KAZN: variants seen among roughly 807,000 people sequenced by gnomAD.
The protein encoded by KAZN is kazrin.
Under a neutral mutation model 87.4 loss-of-function variants are expected in KAZN, and 40 were observed. The observed-to-expected ratio is 0.46, with a 90% CI of 0.36 to 0.60. KAZN has a LOEUF of 0.60. KAZN is among the 20% of genes least tolerant of loss of function. The probability of loss-of-function intolerance (pLI) is 0.00; values close to 1 mark genes in which losing one functional copy is unlikely to be tolerated. For missense variants in KAZN, 898 were observed against 1,073.9 expected (o/e 0.84, Z 2.29); for synonymous variants, 466 against 458.3 (o/e 1.02, Z -0.22).
rs1368877447 is a variant in KAZN at position 14,735,462 on chromosome 1, C to G, written c.226+136239C>G. 6.6e-6 allele frequency among the ~76,000 whole-genome samples: 1 copy of G among 152,202 alleles called. No individual in the cohort carries two copies. The highest frequency in any genetic ancestry group is 1.5e-5 in the Non-Finnish European group (1 of 68,028). ...CAGCCCTGCCCTGGTTTCCAGCCAC[C>G]TTGGGTGTTTAGGCTGGACCCCGAA... On this transcript the variant is annotated intron_variant, in intron 1 of 14. Transcript: ENST00000376030. This position sits in a 1 kb window ranked among gnomAD's most constrained non-coding sequence, Gnocchi z 4.3.
At chr1:13,966,957 A>G (rs909479083) in intron 1 of KAZN, among the ~76,000 whole-genome samples, 9 of 152,280 alleles carry the variant, frequency 5.9e-5, no homozygotes, top group Admixed American at 1.3e-4. Flanking sequence ...TCTACAATGT[A>G]TGTCTTAAAT....
At position 14,795,266 on chromosome 1, in the gene KAZN, G is replaced by C. The variant is rs572358949; in HGVS notation, c.227-165418G>C. On this transcript the variant is annotated intron_variant, in intron 1 of 14. Transcript: ENST00000376030. The stretch of plus-strand genomic sequence containing the variant: ...TTTAGGACCCTGACTAATACAATGG[G>C]TGAAATGAGAAGCAGTCCGTGAAAG... 1.2e-4 allele frequency among the ~76,000 whole-genome samples: 19 copies of C among 152,214 alleles called. No individual in the cohort carries two copies. In the East Asian group the frequency reaches 3.7e-3, roughly 29 times the overall value.
At chr1:14,651,673 C>T (rs1487436086) in intron 1 of KAZN, among the ~76,000 whole-genome samples, 2 of 152,080 alleles carry the variant, frequency 1.3e-5, no homozygotes, top group African/African-American at 4.8e-5. Flanking sequence ...ATTTATTTTC[C>T]AAAATTTTGA....
At chr1:14,743,247 C>A (rs1229236064) in intron 1 of KAZN, among the ~76,000 whole-genome samples, 2 of 151,874 alleles carry the variant, frequency 1.3e-5, no homozygotes, top group East Asian at 3.9e-4. Flanking sequence ...GCCTGGCCAA[C>A]ATGGTGAAAC....
chr1:15,008,165 C>T (rs1669224174), intron 2 of KAZN, among the ~76,000 whole-genome samples: 1 of 152,226 alleles, frequency 6.6e-6, no homozygotes, highest in South Asian at 2.1e-4. Context: ...AGCTTATCTC[C>T]ATGAGCCCAG....
intron 7 of KAZN, among the ~76,000 whole-genome samples, chr1:15,064,723 C>A (rs1332227691): frequency 6.6e-6 from 1 of 152,224 alleles, no homozygotes; most frequent in East Asian, 1.9e-4. Flanking sequence ...CTGACGCAGG[C>A]TCCAGACTCC....
intron 1 of KAZN, among the ~76,000 whole-genome samples, chr1:14,684,302 C>G (rs547506078): frequency 6.6e-6 from 1 of 152,284 alleles, no homozygotes; most frequent in Non-Finnish European, 1.5e-5. Context: ...TAGGGTTGCA[C>G]AGACCAAGTT....
At chr1:14,219,275 T>C (rs1647038739) in intron 2 of KAZN, among the ~76,000 whole-genome samples, 1 of 151,892 alleles carries the variant, frequency 6.6e-6, no homozygotes, top group African/African-American at 2.4e-5. Flanking sequence ...CTTTTGAGGG[T>C]GTAGGGAAGG....
intron 1 of KAZN, among the ~76,000 whole-genome samples, chr1:14,872,269 C>G (rs959795165): frequency 6.6e-6 from 1 of 152,156 alleles, no homozygotes; most frequent in Non-Finnish European, 1.5e-5. Context: ...GGTTATGGAG[C>G]AGTGCTGTCT....
chr1:13,924,073 C>T (rs1403632579), intron 1 of KAZN, among the ~76,000 whole-genome samples: 10 of 152,078 alleles, frequency 6.6e-5, no homozygotes, highest in African/African-American at 9.7e-5. Flanking sequence ...TGATAATGTT[C>T]TCTCTGTACT....
chr1:14,001,161 C>T (rs566942010), intron 1 of KAZN, among the ~76,000 whole-genome samples: 3 of 152,294 alleles, frequency 2.0e-5, no homozygotes, highest in East Asian at 3.9e-4. Flanking sequence ...AGCAAAGTCT[C>T]AGCATACAAA....
intron 1 of KAZN, among the ~76,000 whole-genome samples, chr1:14,919,138 C>T (rs1251090987): frequency 6.6e-6 from 1 of 152,164 alleles, no homozygotes; most frequent in African/African-American, 2.4e-5. Flanking sequence ...GCCAGCCCTT[C>T]GAACCTCCAG....
chr1:14,784,742 G>C (rs181857657), intron 1 of KAZN, among the ~76,000 whole-genome samples: 61 of 152,258 alleles, frequency 4.0e-4, no homozygotes, highest in African/African-American at 1.4e-3. Context: ...CTGGGCAACA[G>C]AGCAAGACTT....
intron 1 of KAZN, among the ~76,000 whole-genome samples, chr1:14,782,554 C>CAAAAAGA (rs1645385661): frequency 3.0e-5 from 2 of 66,250 alleles, no homozygotes; most frequent in Non-Finnish European, 2.7e-5. Context: ...CCTCAAAGAG[C>CAAAAAGA]AAAAAAAAAA....
rs12081051 is a variant in KAZN at position 14,626,911 on chromosome 1, C to A, written c.226+27688C>A. The stretch of plus-strand genomic sequence containing the variant: ...ATCCTTAAGTGCCACTTCTGGGAAG[C>A]CTTCCAGACTCTGCCAGGGACTGTG... On this transcript the variant is annotated intron_variant, in intron 1 of 14. Transcript: ENST00000376030. 5.2e-3 allele frequency among the ~76,000 whole-genome samples: 791 copies of A among 152,272 alleles called. 6 individuals carry two copies. Among genetic ancestry groups the A allele is most frequent in the African/African-American group, 0.018 (750 of 41,554 alleles).
chr1:14,141,213 A>G (rs190494007), intron 1 of KAZN, among the ~76,000 whole-genome samples: 17 of 148,344 alleles, frequency 1.1e-4, no homozygotes, highest in African/African-American at 4.3e-4. Flanking sequence ...CTTCTCCATG[A>G]CACTGTTGAA....
At chr1:13,998,381 C>T (rs183868215) in intron 1 of KAZN, among the ~76,000 whole-genome samples, 1 of 152,260 alleles carries the variant, frequency 6.6e-6, no homozygotes, top group East Asian at 1.9e-4. Context: ...ACAATACTAA[C>T]CTTTAATGTA....
chr1:14,563,874 C>CTTTTTTTTTTTTTTTTTTTTTTTTTTTTT lies in KAZN; in HGVS notation c.250-35095_250-35094insTTTTTTTTTTTTTTTTTTTTTTTTTTTTT, dbSNP rs540880203. ...TGCACTCAGAGTATGGTTCAAACTC[C>CTTTTTTTTTTTTTTTTTTTTTTTTTTTTT]TTTTTTTTTTTTTTGTCTGAGACAG... On this transcript the variant is annotated intron_variant, in intron 2 of 16. Coordinates refer to the KAZN transcript ENST00000636203. 1.0e-4 allele frequency among the ~76,000 whole-genome samples: 10 copies of CTTTTTTTTTTTTTTTTTTTTTTTTTTTTT among 97,932 alleles called. 2 individuals are homozygous for CTTTTTTTTTTTTTTTTTTTTTTTTTTTTT. Among genetic ancestry groups the CTTTTTTTTTTTTTTTTTTTTTTTTTTTTT allele is most frequent in the East Asian group, 4.5e-4 (1 of 2,206 alleles). The allele number at this position is 97,932 out of a possible 152,430, so 64.2% of individuals were successfully genotyped here.
chr1:14,300,975 C>G (rs1483095437), intron 2 of KAZN, among the ~76,000 whole-genome samples: 1 of 152,164 alleles, frequency 6.6e-6, no homozygotes, highest in African/African-American at 2.4e-5. Context: ...TTGTGGCTCT[C>G]AGAGTCTTGG....
Sources: allele counts gnomAD v4.1 joint callset (sites outside exome capture counted in the v4.1 genomes callset), GRCh38; gene constraint gnomAD v4.1.1; non-coding constraint Gnocchi (gnomAD v3.1); transcripts MANE v1.5; gene names NCBI Gene and HGNC (gene_info 2026-07-23, HGNC 2026-07-21).